CCDC172: variants seen among roughly 807,000 people sequenced by gnomAD.
CCDC172 encodes coiled-coil domain-containing protein 172.
CCDC172 carries 30 observed loss-of-function variants against 38.0 expected under a neutral mutation model. The observed-to-expected ratio is 0.79, with a 90% CI of 0.59 to 1.07. The LOEUF (loss-of-function observed/expected upper bound fraction) is 1.07. CCDC172 is among the 50% of genes least tolerant of loss of function. The pLI, the probability that CCDC172 is intolerant of heterozygous loss-of-function variation, is 0.00. For synonymous variants in CCDC172, 78 were observed against 88.3 expected (o/e 0.88, Z 0.66); for missense variants, 297 against 290.1 (o/e 1.02, Z -0.17).
chr10:116,353,252 A>G (rs562148876), intron 5 of CCDC172, among the ~76,000 whole-genome samples: 1 of 152,248 alleles, frequency 6.6e-6, no homozygotes, highest in African/African-American at 2.4e-5. Context: ...TTAACTCAAA[A>G]TGGATCAGAC....
At chr10:116,344,202 A>C (rs1193784524) in intron 5 of CCDC172, among the ~76,000 whole-genome samples, 1 of 152,208 alleles carries the variant, frequency 6.6e-6, no homozygotes, top group Non-Finnish European at 1.5e-5. Context: ...ATCCATTTGC[A>C]ATCATGCATC....
intron 5 of CCDC172, among the ~76,000 whole-genome samples, chr10:116,347,038 A>G (rs906603807): frequency 5.3e-5 from 8 of 152,328 alleles, no homozygotes; most frequent in African/African-American, 1.7e-4. Flanking sequence ...GAAGAATGAT[A>G]CTGATTAGCC....
At chr10:116,345,927 A>G (rs1844860685) in intron 5 of CCDC172, among the ~76,000 whole-genome samples, 1 of 152,174 alleles carries the variant, frequency 6.6e-6, no homozygotes, top group Admixed American at 6.5e-5. Flanking sequence ...TTTACCATAC[A>G]GCCCAGCCAC....
At chr10:116,351,841 A>T (rs1844934981) in intron 5 of CCDC172, among the ~76,000 whole-genome samples, 1 of 152,136 alleles carries the variant, frequency 6.6e-6, no homozygotes, top group African/African-American at 2.4e-5. Context: ...AGCAATGCAA[A>T]ATGGTCTGAG....
intron 3 of CCDC172, among the ~76,000 whole-genome samples, chr10:116,332,155 G>A (rs898144157): frequency 2.0e-5 from 3 of 152,014 alleles, no homozygotes; most frequent in African/African-American, 7.2e-5. Context: ...TGCTCCTGTG[G>A]GCTTGAATTT....
chr10:116,341,830 T>C (rs1484641302), intron 4 of CCDC172, among the ~76,000 whole-genome samples: 1 of 151,902 alleles, frequency 6.6e-6, no homozygotes, highest in African/African-American at 2.4e-5. Flanking sequence ...AGATTAAATC[T>C]TTCATCTGAA....
rs1845287045 is a variant in CCDC172 at position 116,379,538 on chromosome 10, T to C, written c.*180T>C. Reference sequence around the variant, plus strand: ...TTAGCCCTTTAAGATAATTTTTGTCTTGTTACTCAAACTTTAAGAGTTCTT... The same window carrying C: ...TTAGCCCTTTAAGATAATTTTTGTCCTGTTACTCAAACTTTAAGAGTTCTT... On this transcript the variant is annotated 3_prime_UTR_variant, in exon 9 of 9. Transcript: ENST00000333254. 4.7e-6 allele frequency: 2 copies of C among 421,730 alleles called. No individual in the cohort carries two copies. Among genetic ancestry groups the C allele is most frequent in the Admixed American group, 8.6e-5 (2 of 23,226 alleles). 26.1% of individuals were successfully genotyped at this position (421,730 alleles called of 1,614,324 possible). A position where few individuals can be genotyped will look rare whatever the true frequency, so the allele number is the denominator to read the frequency against.
chr10:116,331,403 A>G (rs1191684956), intron 3 of CCDC172, among the ~76,000 whole-genome samples: 1 of 152,046 alleles, frequency 6.6e-6, no homozygotes, highest in African/African-American at 2.4e-5. Context: ...ATGCTGTGTG[A>G]TATGTACCAC....
intron 5 of CCDC172, among the ~76,000 whole-genome samples, chr10:116,351,166 T>C (rs1037035431): frequency 6.6e-6 from 1 of 152,196 alleles, no homozygotes; most frequent in Admixed American, 6.5e-5. Context: ...GATTTTCTTG[T>C]GATAGAATGT....
At chr10:116,352,077 CAT>C in intron 5 of CCDC172, among the ~76,000 whole-genome samples, 1 of 152,092 alleles carries the variant, frequency 6.6e-6, no homozygotes. Context: ...TCTAAGAGCT[CAT>C]ATGGGAATGG....
At chr10:116,346,639 T>C (rs1844870591) in intron 5 of CCDC172, among the ~76,000 whole-genome samples, 1 of 147,196 alleles carries the variant, frequency 6.8e-6, no homozygotes, top group Non-Finnish European at 1.5e-5. Context: ...ATGTAAATTA[T>C]TCCTCTTTAA....
chr10:116,359,466 C>T (rs189431448), intron 7 of CCDC172, among the ~76,000 whole-genome samples: 1 of 152,192 alleles, frequency 6.6e-6, no homozygotes, highest in African/African-American at 2.4e-5. Flanking sequence ...CAAACTTGGC[C>T]TTGTTGACAT....
chr10:116,372,524 G>A lies in CCDC172; in HGVS notation c.654-5899G>A, dbSNP rs138189423. The stretch of plus-strand genomic sequence containing the variant: ...CTAATTTTGCTTTTTCCAATATGTC[G>A]TACAAATGGAATAATATGCTATGTA... On this transcript the variant is annotated intron_variant, in intron 7 of 8. Transcript: ENST00000333254. Among the ~76,000 whole-genome samples the A allele has an allele frequency of 6.4e-3, 978 of 151,972 alleles. 12 individuals carry two copies. Among genetic ancestry groups the A allele is most frequent in the African/African-American group, 0.02 (822 of 41,432 alleles).
At chr10:116,337,145 G>A (rs1180636368) in intron 3 of CCDC172, among the ~76,000 whole-genome samples, 1 of 133,472 alleles carries the variant, frequency 7.5e-6, no homozygotes, top group Non-Finnish European at 1.6e-5. Flanking sequence ...GCTTGGCTAT[G>A]TGATTCTAGA....
intron 3 of CCDC172, among the ~76,000 whole-genome samples, chr10:116,329,554 A>C (rs927391726): frequency 6.6e-6 from 1 of 152,192 alleles, no homozygotes; most frequent in African/African-American, 2.4e-5. Flanking sequence ...GTCTCTGCTC[A>C]GTTGTCACCT....
intron 7 of CCDC172, among the ~76,000 whole-genome samples, chr10:116,363,892 T>C (rs1382288717): frequency 6.6e-6 from 1 of 150,926 alleles, no homozygotes; most frequent in East Asian, 1.9e-4. Context: ...GATCACATCA[T>C]TGCACTTCAG....
chr10:116,374,395 TA>T, intron 7 of CCDC172, among the ~76,000 whole-genome samples: 1 of 152,312 alleles, frequency 6.6e-6, no homozygotes, highest in South Asian at 2.1e-4. Flanking sequence ...ATATAACTTT[TA>T]GTACAGTATA....
chr10:116,330,553 A>T (rs1844648349), intron 3 of CCDC172, among the ~76,000 whole-genome samples: 1 of 152,180 alleles, frequency 6.6e-6, no homozygotes, highest in African/African-American at 2.4e-5. Flanking sequence ...TCCACATTGC[A>T]ACTAACCTTT....
chr10:116,334,096 A>G (rs12217215), intron 3 of CCDC172, among the ~76,000 whole-genome samples: 50,881 of 152,120 alleles, frequency 0.33, 9,892 homozygotes, highest in Non-Finnish European at 0.45. Context: ...ATTCCTCCCA[A>G]GAGAGATAGA....
Sources: gnomAD v4.1 joint callset for allele counts (sites outside exome capture counted in the v4.1 genomes callset) on GRCh38, gnomAD v4.1.1 for gene constraint, MANE v1.5 for transcripts, NCBI Gene and HGNC (gene_info 2026-07-23, HGNC 2026-07-21) for gene names.